Variants in ZNF423 observed in about 807,000 individuals in gnomAD.
The protein encoded by ZNF423 is zinc finger protein 423.
ZNF423 carries 12 observed loss-of-function variants against 95.8 expected under a neutral mutation model. That is an observed-to-expected ratio of 0.13 (90% confidence interval 0.08 to 0.20). The LOEUF is 0.20. Among genes scored for constraint, ZNF423 ranks in the 10% least tolerant of loss-of-function variants. The pLI is 1.00. For missense variants in ZNF423, 1,316 were observed against 1,737.1 expected, an observed-to-expected ratio of 0.76 and a Z score of 4.31; for synonymous variants, 749 against 711.9, an observed-to-expected ratio of 1.05 and a Z score of -0.83.
chr16:49,770,254 G>T (rs781107170), intron 2 of ZNF423, among the ~76,000 whole-genome samples: 21 of 152,170 alleles, frequency 1.4e-4, no homozygotes, highest in Non-Finnish European at 2.6e-4. Context: ...AGTGGTGCAG[G>T]CTCATAACCA....
chr16:49,737,265 T>G (rs2033309257), intron 2 of ZNF423, among the ~76,000 whole-genome samples: 1 of 148,768 alleles, frequency 6.7e-6, no homozygotes, highest in African/African-American at 2.5e-5. Flanking sequence ...TGACTCTAGA[T>G]CCTGACTCTT....
chr16:49,496,599 T>C (rs1967176058), intron 7 of ZNF423, among the ~76,000 whole-genome samples: 1 of 152,182 alleles, frequency 6.6e-6, no homozygotes, highest in South Asian at 2.1e-4. Flanking sequence ...AATAAAACTG[T>C]TTTCTTCATA....
intron 1 of ZNF423, among the ~76,000 whole-genome samples, chr16:49,796,153 A>G (rs1019914419): frequency 6.6e-6 from 1 of 151,906 alleles, no homozygotes; most frequent in Non-Finnish European, 1.5e-5. Context: ...GCTCCCCCTA[A>G]TGCTGTCGCC....
chr16:49,604,203 G>T (rs1971463062), intron 5 of ZNF423, among the ~76,000 whole-genome samples: 1 of 152,200 alleles, frequency 6.6e-6, no homozygotes, highest in Non-Finnish European at 1.5e-5. Context: ...CTCAACCCAG[G>T]CCTCTCAAAG....
At chr16:49,643,846 CA>C (rs1338726903) in intron 3 of ZNF423, among the ~76,000 whole-genome samples, 4 of 152,046 alleles carry the variant, frequency 2.6e-5, no homozygotes, top group African/African-American at 7.2e-5. Flanking sequence ...GATAAAAATT[CA>C]ATTAAGTTGA....
Position 49,638,986 on chromosome 16 carries a change from G to T in ZNF423, c.302-112C>A. ...GGCTGAGGCTGTGCAGCTGGCCAACGGCTGCAGGGGGCTGTGGGGAGGGGC... is the reference window on the plus strand; with the variant it reads ...GGCTGAGGCTGTGCAGCTGGCCAACTGCTGCAGGGGGCTGTGGGGAGGGGC... On this transcript the variant is annotated intron_variant, in intron 3 of 7. Coordinates refer to ENST00000563137, the MANE Select transcript of ZNF423 (RefSeq NM_001379286.1). This position sits in a 1 kb window ranked among gnomAD's most constrained non-coding sequence, Gnocchi z 5.6. 6.9e-7 allele frequency: 1 copy of T among 1,447,872 alleles called. No homozygotes were observed. The highest frequency in any genetic ancestry group is 2.7e-5 in the Admixed American group (1 of 36,676). 89.7% of individuals were successfully genotyped at this position (1,447,872 alleles called of 1,614,324 possible).
At chr16:49,528,265 G>A (rs1034902919) in intron 5 of ZNF423, among the ~76,000 whole-genome samples, 20 of 151,604 alleles carry the variant, frequency 1.3e-4, no homozygotes, top group African/African-American at 4.6e-4. Flanking sequence ...TCCGTTCTCC[G>A]AGTGCCGAGC....
At chr16:49,763,692 C>T (rs1431376365) in intron 2 of ZNF423, among the ~76,000 whole-genome samples, 2 of 152,144 alleles carry the variant, frequency 1.3e-5, no homozygotes, top group East Asian at 1.9e-4. Context: ...GATGTCTACA[C>T]GAGTCACCCA....
intron 5 of ZNF423, among the ~76,000 whole-genome samples, chr16:49,562,432 C>A (rs1970049787): frequency 6.6e-6 from 1 of 152,208 alleles, no homozygotes; most frequent in Non-Finnish European, 1.5e-5. Flanking sequence ...GTGCTTGGCG[C>A]AGTGCCTGGC....
chr16:49,767,814 T>C (rs373380173), intron 2 of ZNF423, among the ~76,000 whole-genome samples: 1 of 152,212 alleles, frequency 6.6e-6, no homozygotes, highest in East Asian at 1.9e-4. Flanking sequence ...CAATACGCAC[T>C]GTCTGCCTGC....
At chr16:49,679,312 G>T (rs2031252436) in intron 3 of ZNF423, among the ~76,000 whole-genome samples, 1 of 152,196 alleles carries the variant, frequency 6.6e-6, no homozygotes, top group Admixed American at 6.5e-5. Flanking sequence ...TGGGATCTCT[G>T]CCCCCTTCCA....
rs573253187 is a variant in ZNF423 at position 49,671,173 on chromosome 16, C to G, written c.302-32299G>C. On this transcript the variant is annotated intron_variant, in intron 3 of 7. Transcript: ENST00000563137. ...CCCTCATTAGCTGTGCCTGGTCACC[C>G]AGGGGGCACAGAAGAAATGGTGTCA... Among the ~76,000 whole-genome samples the G allele has an allele frequency of 7.2e-5, 11 of 152,330 alleles. No individual in the cohort carries two copies. The South Asian group carries it at 2.3e-3, about 32-fold the overall frequency.
chr16:49,515,764 A>G (rs1170810561), intron 7 of ZNF423, among the ~76,000 whole-genome samples: 1 of 152,184 alleles, frequency 6.6e-6, no homozygotes, highest in African/African-American at 2.4e-5. Flanking sequence ...GCATCCCCAC[A>G]GTGAGGATGA....
At chr16:49,513,432 A>C (rs946799329) in intron 7 of ZNF423, among the ~76,000 whole-genome samples, 1 of 152,212 alleles carries the variant, frequency 6.6e-6, no homozygotes, top group Non-Finnish European at 1.5e-5. Flanking sequence ...ATTATTAGTT[A>C]TAATTATCTG....
At chr16:49,606,080 G>C (rs1971527396) in intron 5 of ZNF423, among the ~76,000 whole-genome samples, 1 of 152,230 alleles carries the variant, frequency 6.6e-6, no homozygotes, top group African/African-American at 2.4e-5. Flanking sequence ...CATTGTCATA[G>C]CAGCTCTGAG....
chr16:49,849,231 A>G (rs1278391005), intron 1 of ZNF423, among the ~76,000 whole-genome samples: 1 of 152,160 alleles, frequency 6.6e-6, no homozygotes, highest in Non-Finnish European at 1.5e-5. Flanking sequence ...CTACCCTTCT[A>G]CATGACGTCA....
At chr16:49,583,082 C>A (rs1292235024) in intron 5 of ZNF423, among the ~76,000 whole-genome samples, 1 of 152,184 alleles carries the variant, frequency 6.6e-6, no homozygotes, top group Non-Finnish European at 1.5e-5. Flanking sequence ...GAAGGAAAGG[C>A]CAGCCAAGAA....
intron 3 of ZNF423, among the ~76,000 whole-genome samples, chr16:49,688,883 C>A (rs1419608006): frequency 1.3e-5 from 2 of 152,134 alleles, no homozygotes; most frequent in East Asian, 3.9e-4. Flanking sequence ...TGAGAATGGC[C>A]ACGCTAGTAT....
intron 7 of ZNF423, among the ~76,000 whole-genome samples, chr16:49,513,630 T>TGGGG (rs1967989515): frequency 1.5e-5 from 2 of 129,520 alleles, no homozygotes; most frequent in Non-Finnish European, 3.3e-5. Context: ...TTAACACATA[T>TGGGG]GGGGATGGAT....
Sources: allele counts gnomAD v4.1 joint callset (sites outside exome capture counted in the v4.1 genomes callset), GRCh38; gene constraint gnomAD v4.1.1; non-coding constraint Gnocchi (gnomAD v3.1); transcripts MANE v1.5; gene names NCBI Gene and HGNC (gene_info 2026-07-23, HGNC 2026-07-21).